Variants in ZMAT4 observed in about 807,000 individuals in gnomAD.
ZMAT4 encodes the protein zinc finger matrin-type 4.
Under a neutral mutation model 28.7 loss-of-function variants are expected in ZMAT4, and 17 were observed. The ratio of observed to expected loss-of-function variants is 0.59; its 90% CI spans 0.41 to 0.89. The LOEUF (loss-of-function observed/expected upper bound fraction) is 0.89. Among genes scored for constraint, ZMAT4 ranks in the 40% least tolerant of loss-of-function variants. The pLI, the probability that ZMAT4 is intolerant of heterozygous loss-of-function variation, is 0.00. For missense variants in ZMAT4, 240 were observed against 283.8 expected (o/e 0.85, Z 1.11); for synonymous variants, 117 against 109.2 (o/e 1.07, Z -0.44).
At chr8:40,676,008 T>C (rs185618917) in intron 4 of ZMAT4, among the ~76,000 whole-genome samples, 20 of 152,312 alleles carry the variant, frequency 1.3e-4, no homozygotes, top group African/African-American at 4.8e-4. Context: ...AGAGCCTAAC[T>C]TGAAGGAGCT....
At chr8:40,897,392 C>T (rs1331978121) in intron 1 of ZMAT4, among the ~76,000 whole-genome samples, 1 of 152,162 alleles carries the variant, frequency 6.6e-6, no homozygotes, top group Non-Finnish European at 1.5e-5. Flanking sequence ...TCACCCAGCA[C>T]ACCCGAATCT....
chr8:40,850,487 T>C (rs1366095763), intron 1 of ZMAT4, among the ~76,000 whole-genome samples: 1 of 152,170 alleles, frequency 6.6e-6, no homozygotes, highest in Non-Finnish European at 1.5e-5. Flanking sequence ...AAGTCTCTGT[T>C]TATGTGTTTT....
Position 40,593,376 on chromosome 8 carries a change from G to A in ZMAT4, c.578-12115C>T, listed in dbSNP as rs544025964. On this transcript the variant is annotated intron_variant, in intron 5 of 6. Coordinates refer to ENST00000297737, the MANE Select transcript of ZMAT4 (RefSeq NM_024645.3). ...TGGGGTGGTAGAAAGCGGTATGTAT[G>A]CAGGGCACAATGAACAAGTCTAGAG... is the stretch of plus-strand genomic sequence containing the variant. Among the ~76,000 whole-genome samples the A allele has an allele frequency of 2.6e-5, 4 of 152,292 alleles. No individual in the cohort carries two copies. The East Asian group carries it at 7.7e-4, about 29-fold the overall frequency.
intron 4 of ZMAT4, among the ~76,000 whole-genome samples, chr8:40,691,406 A>G (rs1177725186): frequency 4.4e-5 from 1 of 22,844 alleles, no homozygotes. Context: ...ATAGACTGCA[A>G]AAAAAAAAAA....
chr8:40,772,457 A>G (rs558875266), intron 2 of ZMAT4, among the ~76,000 whole-genome samples: 8 of 152,336 alleles, frequency 5.3e-5, no homozygotes, highest in Non-Finnish European at 8.8e-5. Flanking sequence ...CTAAATAACC[A>G]TCTTCCATTA....
At chr8:40,780,533 T>C (rs181225891) in intron 2 of ZMAT4, among the ~76,000 whole-genome samples, 39 of 152,296 alleles carry the variant, frequency 2.6e-4, no homozygotes, top group Admixed American at 6.5e-4. Context: ...GACATTCTTG[T>C]AGGCAACGGG....
chr8:40,834,868 C>G lies in ZMAT4; in HGVS notation c.-4-9188G>C, dbSNP rs568994081. Among the ~76,000 whole-genome samples the G allele has an allele frequency of 1.8e-4, 27 of 152,308 alleles. No individual in the cohort carries two copies. The South Asian group carries it at 5.4e-3, about 30-fold the overall frequency. ...AGAGGCAGGTGGGGACTAGCAGAGA[C>G]TCTGCAAGGCAAGAGCCATTCTATC... On this transcript the variant is annotated intron_variant, in intron 1 of 6. Transcript: ENST00000297737.
chr8:40,807,271 G>A (rs1415498091), intron 2 of ZMAT4, among the ~76,000 whole-genome samples: 4 of 151,800 alleles, frequency 2.6e-5, no homozygotes, highest in South Asian at 4.2e-4. Flanking sequence ...GCAAAACCTC[G>A]TCTCTGCTAA....
intron 6 of ZMAT4, among the ~76,000 whole-genome samples, chr8:40,569,808 T>C (rs1804035393): frequency 6.6e-6 from 1 of 152,122 alleles, no homozygotes; most frequent in Non-Finnish European, 1.5e-5. Context: ...AACTGCAGGG[T>C]GGGTCAGCTT....
chr8:40,661,559 T>G (rs531118257), intron 5 of ZMAT4, among the ~76,000 whole-genome samples: 33 of 152,382 alleles, frequency 2.2e-4, no homozygotes, highest in Admixed American at 2.0e-3. Flanking sequence ...CTGCAGCAGC[T>G]TTAAAATAAA....
chr8:40,631,011 G>T (rs543839978), intron 5 of ZMAT4, among the ~76,000 whole-genome samples: 18 of 152,024 alleles, frequency 1.2e-4, no homozygotes, highest in Non-Finnish European at 2.5e-4. Context: ...TGAAAATCTG[G>T]TGTGTCCTTT....
chr8:40,861,756 A>G (rs1045855080), intron 1 of ZMAT4, among the ~76,000 whole-genome samples: 5 of 152,268 alleles, frequency 3.3e-5, no homozygotes, highest in Non-Finnish European at 5.9e-5. Context: ...ACAAGTGGGC[A>G]AAGGATATGA....
chr8:40,627,227 T>C (rs550406151), intron 5 of ZMAT4, among the ~76,000 whole-genome samples: 1 of 152,204 alleles, frequency 6.6e-6, no homozygotes, highest in African/African-American at 2.4e-5. Context: ...AATGTTCTAT[T>C]AGAGAGGCTG....
chr8:40,573,992 A>G (rs974528442), intron 6 of ZMAT4, among the ~76,000 whole-genome samples: 2 of 152,338 alleles, frequency 1.3e-5, no homozygotes, highest in Admixed American at 6.5e-5. Context: ...TAGTAAAAAT[A>G]TAAATCTGAT....
chr8:40,585,416 C>T lies in ZMAT4; in HGVS notation c.578-4155G>A, dbSNP rs190647462. On this transcript the variant is annotated intron_variant, in intron 5 of 6. Coordinates refer to ENST00000297737, the MANE Select transcript of ZMAT4 (RefSeq NM_024645.3). ...ATAAAATCTAGATTCCCAGGCAAAA[C>T]TTCGGGAGATTCTGATACTCTAAGC... Among the ~76,000 whole-genome samples, 214 of 152,220 alleles carry T rather than the reference C, an allele frequency of 1.4e-3. 5 individuals carry two copies. The highest frequency in any genetic ancestry group is 0.013 in the Admixed American group (196 of 15,278).
Position 40,697,354 on chromosome 8 carries a change from G to T in ZMAT4, c.240C>A (p.Cys80Ter). The T allele has an allele frequency of 6.2e-7, 1 of 1,613,698 alleles. No homozygotes were observed. Among genetic ancestry groups the T allele is most frequent in the Non-Finnish European group, 8.5e-7 (1 of 1,179,752 alleles). The change falls in exon 4 of 7, where the codon TGC becomes TGA. Residue 80 changes from cysteine to a stop codon, truncating the protein, a stop_gained. Coordinates refer to ENST00000297737, the MANE Select transcript of ZMAT4 (RefSeq NM_024645.3). LOFTEE classifies it high-confidence loss of function. ...CCACCGCTGAAGTGAATGACATGTT[G>T]CAGAGTGTGCAGCACTTGTTCTTAT... ...MVDKNKCCTL[C>*]NMSFTSAVVA...
chr8:40,836,764 G>T (rs977331356), intron 1 of ZMAT4, among the ~76,000 whole-genome samples: 3 of 152,178 alleles, frequency 2.0e-5, no homozygotes. Flanking sequence ...GCCTTAGGTT[G>T]GGGAGACAGA....
chr8:40,876,550 A>G (rs990155766), intron 1 of ZMAT4, among the ~76,000 whole-genome samples: 3 of 152,194 alleles, frequency 2.0e-5, no homozygotes, highest in Admixed American at 6.5e-5. Flanking sequence ...TCCTGGGCTC[A>G]AGAAATCCTA....
intron 5 of ZMAT4, among the ~76,000 whole-genome samples, chr8:40,647,159 G>A (rs1304521311): frequency 6.6e-6 from 1 of 152,192 alleles, no homozygotes; most frequent in Non-Finnish European, 1.5e-5. Context: ...TTCCATCCGA[G>A]GTACCAGGTT....
Sources: allele counts gnomAD v4.1 joint callset (sites outside exome capture counted in the v4.1 genomes callset), GRCh38; gene constraint gnomAD v4.1.1; transcripts MANE v1.5; gene names NCBI Gene and HGNC (gene_info 2026-07-23, HGNC 2026-07-21).